ANKRD10: variants seen among roughly 807,000 people sequenced by gnomAD.
ANKRD10 encodes the protein ankyrin repeat domain 10, also known as ankyrin repeat domain-containing protein 10.
In ANKRD10, 14 loss-of-function variants were observed where a neutral mutation model predicts 27.0. The observed-to-expected ratio is 0.52, with a 90% CI of 0.34 to 0.81. The LOEUF (loss-of-function observed/expected upper bound fraction) is 0.81, where lower values mean the gene tolerates loss of function less well. ANKRD10 is among the 40% of genes least tolerant of loss of function. The pLI is 0.01. For missense variants in ANKRD10, 493 were observed against 544.0 expected (o/e 0.91, Z 0.93); for synonymous variants, 250 against 224.5 (o/e 1.11, Z -1.01).
At chr13:110,890,365 C>CA (rs141863348) in intron 4 of ANKRD10, among the ~76,000 whole-genome samples, 6,810 of 152,096 alleles carry the variant, frequency 0.045, 207 homozygotes, top group Middle Eastern at 0.092. Flanking sequence ...AAAAGGGGGG[C>CA]AAAAAATCAC....
At chr13:110,891,404 TTCA>T (rs569061143) in intron 4 of ANKRD10, among the ~76,000 whole-genome samples, 60 of 152,374 alleles carry the variant, frequency 3.9e-4, no homozygotes, top group Non-Finnish European at 7.6e-4. Flanking sequence ...TATGCAGATC[TTCA>T]TGTCATGCTT....
chr13:110,883,814 A>G (rs757522671), intron 4 of ANKRD10, 21 bp from the exon 5 acceptor site: 3 of 1,601,106 alleles, frequency 1.9e-6, no homozygotes, highest in Non-Finnish European at 2.6e-6. Context: ...AACAAAGACT[A>G]TTTCAGATTC....
intron 4 of ANKRD10, among the ~76,000 whole-genome samples, chr13:110,887,042 C>A (rs2064949523): frequency 6.6e-6 from 1 of 152,174 alleles, no homozygotes. Flanking sequence ...GATACAGCCA[C>A]AAGCCAGGTG....
chr13:110,909,767 G>A (rs1221236114), intron 2 of ANKRD10, among the ~76,000 whole-genome samples: 5 of 152,124 alleles, frequency 3.3e-5, no homozygotes, highest in African/African-American at 4.8e-5. Context: ...CTTATGCCTG[G>A]TTATCATGAA....
At chr13:110,893,392 A>G (rs2065135091) in intron 3 of ANKRD10, 129 bp from the exon 4 acceptor site, 1 of 821,614 alleles carries the variant, frequency 1.2e-6, no homozygotes, top group African/African-American at 1.7e-5. Flanking sequence ...TCTTCATTAA[A>G]GAAGTAGTTA....
Position 110,914,783 on chromosome 13 carries a change from G to A in ANKRD10, c.152C>T (p.Ala51Val), listed in dbSNP as rs760794936. The change falls in exon 1 of 6, where the codon GCC becomes GTC. Residue 51 changes from alanine to valine, a missense_variant. Ala to Val is a moderately conservative substitution (Grantham distance 64, BLOSUM62 0). Transcript: ENST00000267339. ...CCAGCCATAGAAGGAGTCCTCAGAG[G>A]CCAGGTGGGCGTGGGGTGTCTGCTG... is the stretch of plus-strand genomic sequence containing the variant. ...LLQQTPHAHL[A>V]SEDSFYGWTP... The A allele has an allele frequency of 1.3e-6, 2 of 1,597,982 alleles. No homozygotes were observed. The highest frequency in any genetic ancestry group is 1.3e-5 in the African/African-American group (1 of 74,620).
chr13:110,903,952 C>T (rs1301908293), intron 3 of ANKRD10: 1 of 152,100 alleles, frequency 6.6e-6, no homozygotes. Flanking sequence ...TAAAATAGAC[C>T]TAGTACCATT....
chr13:110,892,997 T>G (rs979199448), intron 4 of ANKRD10, 31 bp downstream of exon 4: 8 of 1,606,702 alleles, frequency 5.0e-6, no homozygotes, highest in Non-Finnish European at 6.8e-6. Flanking sequence ...GAAAAATAAG[T>G]GTGCTCTTCC....
At position 110,909,391 on chromosome 13, in the gene ANKRD10, C is replaced by A. The variant is rs1345857765; in HGVS notation, c.363+1227G>T. 2.0e-5 allele frequency among the ~76,000 whole-genome samples: 3 copies of A among 152,048 alleles called. No homozygotes were observed. In the East Asian group the frequency reaches 5.8e-4, roughly 29 times the overall value. ...AAGAAGGAAAAACACAAGGCGCTGC[C>A]CAGCACATAAGGGTATTGAGTAGGT... On this transcript the variant is annotated intron_variant, in intron 2 of 5. Transcript: ENST00000267339.
chr13:110,879,453 T>G lies in ANKRD10; in HGVS notation c.*184A>C. 1.7e-6 allele frequency: 1 copy of G among 599,250 alleles called. No individual in the cohort carries two copies. Among genetic ancestry groups the G allele is most frequent in the South Asian group, 2.0e-5 (1 of 49,328 alleles). 37.1% of individuals were successfully genotyped at this position (599,250 alleles called of 1,614,324 possible). On this transcript the variant is annotated 3_prime_UTR_variant, in exon 6 of 6. Coordinates refer to ENST00000267339, the MANE Select transcript of ANKRD10 (RefSeq NM_017664.4). ...CTCACTGTAGAAACATCTATGCACT[T>G]AGTAAGCCCTACTCATGCACAAACA...
chr13:110,893,003 C>T, intron 4 of ANKRD10, 25 bp downstream of exon 4: 3 of 1,611,656 alleles, frequency 1.9e-6, no homozygotes, highest in Non-Finnish European at 2.5e-6. Context: ...TAAGTGTGCT[C>T]TTCCCACCCG....
intron 4 of ANKRD10, among the ~76,000 whole-genome samples, chr13:110,892,438 G>GAAAAAAAAAAA (rs2065105005): frequency 9.0e-4 from 10 of 11,088 alleles, no homozygotes; most frequent in African/African-American, 3.3e-3. Context: ...AAAAAAAAAT[G>GAAAAAAAAAAA]GTGGGAGAAT....
rs144839133 is a variant in ANKRD10, at chr13:110,914,465, C to G, written c.210+260G>C. The G allele has an allele frequency of 5.2e-4, 166 of 321,012 alleles. 5 individuals are homozygous for G. In the East Asian group the frequency reaches 8.6e-3, roughly 17 times the overall value. The allele number at this position is 321,012 out of a possible 1,614,324, so 19.9% of individuals were successfully genotyped here. A position where few individuals can be genotyped will look rare whatever the true frequency, so the allele number is the denominator to read the frequency against. On this transcript the variant is annotated intron_variant, in intron 1 of 5. Transcript: ENST00000267339. ...GTTAGAAACTTGCTACGCGCGCCGCCGCACATGCGCCCTAGGCCCCTCCGG... is the reference window on the plus strand; with the variant it reads ...GTTAGAAACTTGCTACGCGCGCCGCGGCACATGCGCCCTAGGCCCCTCCGG...
chr13:110,914,517 G>T (rs1041379888), intron 1 of ANKRD10: 1 of 576,986 alleles, frequency 1.7e-6, no homozygotes, highest in Non-Finnish European at 2.5e-6. Context: ...CCTCGCTTCC[G>T]CCCCGCGCCC....
intron 5 of ANKRD10, among the ~76,000 whole-genome samples, chr13:110,881,626 C>CA (rs1425829093): frequency 2.6e-5 from 4 of 151,946 alleles, no homozygotes; most frequent in Admixed American, 2.6e-4. Context: ...TGAAATAAAA[C>CA]AAGTTATTCC....
chr13:110,911,486 GC>G (rs1217901316), intron 1 of ANKRD10, among the ~76,000 whole-genome samples: 1 of 149,742 alleles, frequency 6.7e-6, no homozygotes, highest in African/African-American at 2.5e-5. Context: ...TTTGTGTAAT[GC>G]CAGGCGCAGT....
At chr13:110,901,940 A>T (rs2065392930) in intron 3 of ANKRD10, among the ~76,000 whole-genome samples, 2 of 151,670 alleles carry the variant, frequency 1.3e-5, no homozygotes, top group African/African-American at 4.8e-5. Flanking sequence ...CTACTCAAGA[A>T]TCTGAGGCAG....
chr13:110,911,852 C>A (rs1046270753), intron 1 of ANKRD10: 2 of 152,192 alleles, frequency 1.3e-5, no homozygotes, highest in African/African-American at 4.8e-5. Flanking sequence ...TAGTCAAAGA[C>A]TATTTTCTAT....
rs1223242927 is a variant in ANKRD10, at chr13:110,915,008, C to T, written c.-74G>A. On this transcript the variant is annotated 5_prime_UTR_variant, in exon 1 of 6. Transcript: ENST00000267339. Reference sequence around the variant, plus strand: ...GGGAGGACTCGAGAAGCCGCCGCCGCAGCACAAAGGAACGAGACTAGCGCC... The same window carrying T: ...GGGAGGACTCGAGAAGCCGCCGCCGTAGCACAAAGGAACGAGACTAGCGCC... 2 of 1,481,874 alleles carry T rather than the reference C, an allele frequency of 1.3e-6. No homozygotes were observed. Among genetic ancestry groups the T allele is most frequent in the Non-Finnish European group, 1.8e-6 (2 of 1,121,288 alleles). 91.8% of individuals were successfully genotyped at this position (1,481,874 alleles called of 1,614,324 possible).
Sources: allele counts gnomAD v4.1 joint callset (sites outside exome capture counted in the v4.1 genomes callset), GRCh38; gene constraint gnomAD v4.1.1; transcripts MANE v1.5; gene names NCBI Gene and HGNC (gene_info 2026-07-23, HGNC 2026-07-21).